BNC2: variants seen among roughly 807,000 people sequenced by gnomAD.
BNC2 encodes the protein zinc finger protein basonuclin-2.
A neutral mutation model predicts 76.3 loss-of-function variants in BNC2; 20 were observed. The ratio of observed to expected loss-of-function variants is 0.26; its 90% CI spans 0.18 to 0.38. The LOEUF is 0.38. Among genes scored for constraint, BNC2 ranks in the 10% least tolerant of loss-of-function variants. The pLI, the probability that BNC2 is intolerant of heterozygous loss-of-function variation, is 1.00. For synonymous variants in BNC2, 582 were observed against 514.8 expected (o/e 1.13, Z -1.77); for missense variants, 1,382 against 1,399.8 (o/e 0.99, Z 0.20).
chr9:16,685,180 A>T (rs899028671), intron 3 of BNC2, among the ~76,000 whole-genome samples: 1 of 152,168 alleles, frequency 6.6e-6, no homozygotes, highest in African/African-American at 2.4e-5. Flanking sequence ...AGGTCCTTTA[A>T]ATTCTCATCA....
chr9:16,843,596 A>C (rs1818888165), intron 1 of BNC2, among the ~76,000 whole-genome samples: 2 of 152,252 alleles, frequency 1.3e-5, no homozygotes, highest in South Asian at 4.1e-4. Flanking sequence ...GGCCTCCTGA[A>C]GTACTGGGAT....
At position 16,417,236 on chromosome 9, in the gene BNC2, A is replaced by G. The variant is rs1360166092; in HGVS notation, c.*1753T>C. 1 of 152,362 alleles carries G rather than the reference A, an allele frequency of 6.6e-6. No individual in the cohort carries two copies. Among genetic ancestry groups the G allele is most frequent in the Non-Finnish European group, 1.5e-5 (1 of 67,828 alleles). The allele number at this position is 152,362 out of a possible 1,614,324, so 9.4% of individuals were successfully genotyped here. ...AGACTGAACTTGAGTAAATATCATC[A>G]TTTAGTCAGTATGTTGTGGTAGCTG... On this transcript the variant is annotated 3_prime_UTR_variant, in exon 7 of 7. Coordinates refer to ENST00000380672, the MANE Select transcript of BNC2 (RefSeq NM_017637.6).
intron 3 of BNC2, among the ~76,000 whole-genome samples, chr9:16,616,951 T>C (rs1206440242): frequency 1.3e-5 from 2 of 152,226 alleles, no homozygotes. Context: ...GTGCAAGTAT[T>C]ATTACATCTT....
intron 3 of BNC2, among the ~76,000 whole-genome samples, chr9:16,717,322 CTTTTTT>C (rs548425899): frequency 8.6e-4 from 130 of 152,030 alleles, no homozygotes; most frequent in African/African-American, 2.7e-3. Flanking sequence ...TACTTTCTTT[CTTTTTT>C]AAGTATATAG....
intron 1 of BNC2, among the ~76,000 whole-genome samples, chr9:16,808,456 C>T (rs1465825244): frequency 6.9e-6 from 1 of 145,458 alleles, no homozygotes; most frequent in African/African-American, 2.5e-5. Context: ...CTATCAATAT[C>T]CTAGTTGTGT....
chr9:16,583,145 A>C, intron 3 of BNC2, 60 bp from the exon 4 acceptor site: 1 of 1,353,986 alleles, frequency 7.4e-7, no homozygotes, highest in Non-Finnish European at 1.1e-6. Context: ...TACTCTTTTC[A>C]CCATTTCAAT....
intron 5 of BNC2, among the ~76,000 whole-genome samples, chr9:16,471,535 G>A (rs1047982008): frequency 2.6e-5 from 4 of 151,998 alleles, no homozygotes; most frequent in East Asian, 1.9e-4. Flanking sequence ...CTCGTGATCC[G>A]CCCGCCTTGG....
intron 1 of BNC2, among the ~76,000 whole-genome samples, chr9:16,777,948 G>A (rs1826015721): frequency 6.6e-6 from 1 of 152,026 alleles, no homozygotes; most frequent in African/African-American, 2.4e-5. Context: ...TGAGAAAACA[G>A]CAATTAAACA....
At chr9:16,450,653 A>G (rs1216263149) in intron 5 of BNC2, among the ~76,000 whole-genome samples, 11 of 152,246 alleles carry the variant, frequency 7.2e-5, no homozygotes, top group Non-Finnish European at 2.9e-5. Context: ...CCGATGATAA[A>G]GCTGTTTGGT....
Position 16,435,866 on chromosome 9 carries a change from T to C in BNC2, c.2328A>G (p.Glu776=). Residue 776 remains glutamate, a synonymous_variant, in exon 6 of 7, where the codon GAA becomes GAG. Coordinates refer to ENST00000380672, the MANE Select transcript of BNC2 (RefSeq NM_017637.6). ...PSHQDVIKVK[E]EFTDPTYDMF... is the part of the protein sequence containing the mutation. ...TGTCGTAAGTGGGGTCTGTAAATTC[T>C]TCCTTCACCTTGATGACGTCCTGGT... The C allele has an allele frequency of 6.2e-7, 1 of 1,613,770 alleles. No individual in the cohort carries two copies. Among genetic ancestry groups the C allele is most frequent in the Non-Finnish European group, 8.5e-7 (1 of 1,179,678 alleles).
At chr9:16,846,014 G>A (rs1045247209) in intron 1 of BNC2, among the ~76,000 whole-genome samples, 2 of 151,644 alleles carry the variant, frequency 1.3e-5, no homozygotes, top group Non-Finnish European at 2.9e-5. Flanking sequence ...GCTGGCCGCG[G>A]TGGCGGGCAC....
chr9:16,662,106 A>G (rs1352286146), intron 3 of BNC2, among the ~76,000 whole-genome samples: 3 of 152,200 alleles, frequency 2.0e-5, no homozygotes, highest in African/African-American at 7.2e-5. Flanking sequence ...ATTTCTACTC[A>G]AGCTGTTAAA....
intron 1 of BNC2, among the ~76,000 whole-genome samples, chr9:16,860,026 G>A (rs1369480516): frequency 6.6e-6 from 1 of 151,992 alleles, no homozygotes; most frequent in African/African-American, 2.4e-5. Flanking sequence ...GGAGACTCAG[G>A]CAGGGGAATT....
At chr9:16,682,566 A>G (rs1822856907) in intron 3 of BNC2, among the ~76,000 whole-genome samples, 1 of 152,164 alleles carries the variant, frequency 6.6e-6, no homozygotes, top group Non-Finnish European at 1.5e-5. Flanking sequence ...CATTAATTAC[A>G]GGAAGCACCT....
chr9:16,833,409 T>A (rs919402423), intron 1 of BNC2, among the ~76,000 whole-genome samples: 3 of 152,178 alleles, frequency 2.0e-5, no homozygotes, highest in Non-Finnish European at 4.4e-5. Flanking sequence ...AACAGTTTTC[T>A]CAAGCAATGA....
Position 16,436,690 on chromosome 9 carries a change from G to C in BNC2, c.1504C>G (p.Leu502Val). The C allele has an allele frequency of 4.3e-6, 7 of 1,614,120 alleles. No individual in the cohort carries two copies. The highest frequency in any genetic ancestry group is 5.9e-6 in the Non-Finnish European group (7 of 1,180,020). Residue 502 changes from leucine to valine, a missense_variant, in exon 6 of 7, where the codon CTA becomes GTA. Coordinates refer to ENST00000380672, the MANE Select transcript of BNC2 (RefSeq NM_017637.6). ...AAATCTTTATCTCGGTTATTCCTTAGCATAGGCATGTGAAGGCGAGGATTG... is the reference window on the plus strand; with the variant it reads ...AAATCTTTATCTCGGTTATTCCTTACCATAGGCATGTGAAGGCGAGGATTG... The part of the protein sequence containing the change: ...NPNPRLHMPM[L>V]RNNRDKDLIR...
At chr9:16,521,978 ATT>A (rs556353879) in intron 5 of BNC2, among the ~76,000 whole-genome samples, 3 of 152,224 alleles carry the variant, frequency 2.0e-5, no homozygotes, top group Non-Finnish European at 4.4e-5. Flanking sequence ...GCACTCACTC[ATT>A]ATATAAATCA....
intron 3 of BNC2, among the ~76,000 whole-genome samples, chr9:16,690,214 T>C (rs1052047467): frequency 6.6e-6 from 1 of 151,968 alleles, no homozygotes; most frequent in Non-Finnish European, 1.5e-5. Context: ...CAGAGTCAAA[T>C]TGGATGTGGT....
chr9:16,625,208 T>C (rs1820960644), intron 3 of BNC2, among the ~76,000 whole-genome samples: 1 of 152,210 alleles, frequency 6.6e-6, no homozygotes, highest in Non-Finnish European at 1.5e-5. Flanking sequence ...AATGCTGTGC[T>C]TTCTTTGGAT....
Sources: gnomAD v4.1 joint callset for allele counts (sites outside exome capture counted in the v4.1 genomes callset) on GRCh38, gnomAD v4.1.1 for gene constraint, MANE v1.5 for transcripts, NCBI Gene and HGNC (gene_info 2026-07-23, HGNC 2026-07-21) for gene names.